FLT1: variants seen among roughly 807,000 people sequenced by gnomAD.
FLT1 encodes vascular endothelial growth factor receptor 1.
A neutral mutation model predicts 156.3 loss-of-function variants in FLT1; 49 were observed. The observed-to-expected ratio is 0.31, with a 90% CI of 0.25 to 0.40. FLT1 has a LOEUF of 0.40. FLT1 is among the 10% of genes least tolerant of loss of function. FLT1 has a pLI of 1.00. For synonymous variants in FLT1, 594 were observed against 583.8 expected (o/e 1.02, Z -0.25); for missense variants, 1,322 against 1,637.2 (o/e 0.81, Z 3.32).
chr13:28,398,035 A>C (rs901507436), intron 11 of FLT1, among the ~76,000 whole-genome samples: 1 of 152,206 alleles, frequency 6.6e-6, no homozygotes, highest in African/African-American at 2.4e-5. Context: ...GCATTCTTCC[A>C]AAGAAAAAAA....
intron 12 of FLT1, among the ~76,000 whole-genome samples, chr13:28,393,440 A>C (rs9508021): frequency 0.025 from 3,873 of 152,086 alleles, 156 homozygotes; most frequent in African/African-American, 0.086. Flanking sequence ...GTGAATGGTT[A>C]CCAGGAAGTT....
At chr13:28,413,791 G>T (rs1876473253) in intron 10 of FLT1, among the ~76,000 whole-genome samples, 1 of 152,192 alleles carries the variant, frequency 6.6e-6, no homozygotes, top group African/African-American at 2.4e-5. Context: ...CATCCAGAAA[G>T]CTTTTGGGAG....
At chr13:28,396,921 G>T in intron 12 of FLT1, 39 bp downstream of exon 12, 1 of 1,158,638 alleles carries the variant, frequency 8.6e-7, no homozygotes, top group Non-Finnish European at 1.3e-6. Context: ...AGAGAATGAA[G>T]TCACCAGGCT....
intron 16 of FLT1, 137 bp from the exon 17 acceptor site, chr13:28,339,437 C>A: frequency 3.8e-6 from 3 of 794,968 alleles, no homozygotes; most frequent in Non-Finnish European, 4.1e-6. Flanking sequence ...TACTTCTCCA[C>A]ATTCACATAC....
intron 24 of FLT1, among the ~76,000 whole-genome samples, chr13:28,318,672 T>C (rs1252429286): frequency 2.0e-5 from 3 of 151,738 alleles, no homozygotes; most frequent in Non-Finnish European, 4.4e-5. Flanking sequence ...TTTTCACACA[T>C]TACAGGAAAC....
chr13:28,357,440 C>T, intron 15 of FLT1, 114 bp downstream of exon 15: 10 of 1,085,826 alleles, frequency 9.2e-6, no homozygotes, highest in Non-Finnish European at 1.4e-5. Flanking sequence ...AGAAGGAGGT[C>T]AGGGAAAGGA....
At chr13:28,315,743 G>A (rs1871176574) in intron 25 of FLT1, among the ~76,000 whole-genome samples, 1 of 152,112 alleles carries the variant, frequency 6.6e-6, no homozygotes, top group African/African-American at 2.4e-5. Flanking sequence ...ATGAAGATTG[G>A]AAGGACATAT....
intron 6 of FLT1, among the ~76,000 whole-genome samples, chr13:28,431,991 G>A (rs1204499830): frequency 1.3e-5 from 2 of 152,170 alleles, no homozygotes; most frequent in African/African-American, 2.4e-5. Context: ...GACTTGGAAG[G>A]TGCTGTCCCA....
intron 25 of FLT1, among the ~76,000 whole-genome samples, chr13:28,313,022 AGGCTGGAG>A (rs1871067915): frequency 6.6e-6 from 1 of 151,860 alleles, no homozygotes; most frequent in Non-Finnish European, 1.5e-5. Flanking sequence ...TCTGTCATCC[AGGCTGGAG>A]TGCAGTGCCA....
At chr13:28,380,323 A>C (rs1248043717) in intron 14 of FLT1, among the ~76,000 whole-genome samples, 2 of 152,238 alleles carry the variant, frequency 1.3e-5, no homozygotes, top group African/African-American at 2.4e-5. Flanking sequence ...GAAGATACTC[A>C]TATATACAAA....
At chr13:28,443,922 T>C (rs1430321790) in intron 3 of FLT1, among the ~76,000 whole-genome samples, 2 of 152,056 alleles carry the variant, frequency 1.3e-5, no homozygotes, top group African/African-American at 2.4e-5. Flanking sequence ...TCAGACAAAA[T>C]AGACTTTTAA....
At chr13:28,315,358 C>A (rs987371210) in intron 25 of FLT1, among the ~76,000 whole-genome samples, 1 of 152,162 alleles carries the variant, frequency 6.6e-6, no homozygotes, top group Admixed American at 6.5e-5. Context: ...AGTTCGAGAC[C>A]AGCCTGGCCA....
At chr13:28,472,725 T>C (rs1570679) in intron 1 of FLT1, among the ~76,000 whole-genome samples, 22,780 of 152,180 alleles carry the variant, frequency 0.15, 2,499 homozygotes, top group African/African-American at 0.29. Context: ...CTGCCATTTG[T>C]GAGTTCTGTT....
intron 10 of FLT1, among the ~76,000 whole-genome samples, chr13:28,406,957 G>A (rs376428074): frequency 1.3e-5 from 2 of 152,114 alleles, no homozygotes; most frequent in South Asian, 2.1e-4. Context: ...TTCCTCCCTG[G>A]TCCTTGAGCT....
intron 6 of FLT1, among the ~76,000 whole-genome samples, chr13:28,432,599 A>T (rs1334034638): frequency 6.6e-6 from 1 of 152,172 alleles, no homozygotes; most frequent in Non-Finnish European, 1.5e-5. Flanking sequence ...GAAATCAAAA[A>T]TTCATTTCCT....
intron 1 of FLT1, among the ~76,000 whole-genome samples, chr13:28,494,132 C>G (rs899555331): frequency 1.3e-5 from 2 of 152,104 alleles, no homozygotes; most frequent in Non-Finnish European, 2.9e-5. Context: ...GGGCGCTCGC[C>G]GAGCGTTCCC....
In FLT1 at chr13:28,372,048, G is replaced by GTA. The variant is rs1169072431; in HGVS notation, c.2116+12835_2116+12836dup. On this transcript the variant is annotated intron_variant, in intron 14 of 29. Transcript: ENST00000282397. Reference sequence around the variant, plus strand: ...TGTGTGTGTGTGTGTGTGTGTGTGTGTATATATATATATATATATATATAT... The same window carrying GTA: ...TGTGTGTGTGTGTGTGTGTGTGTGTGTATATATATATATATATATATATATAT... Among the ~76,000 whole-genome samples the GTA allele has an allele frequency of 1.5e-3, 114 of 75,566 alleles. 7 individuals carry two copies. Among genetic ancestry groups the GTA allele is most frequent in the African/African-American group, 6.7e-3 (106 of 15,894 alleles). The allele number at this position is 75,566 out of a possible 152,430, so 49.6% of individuals were successfully genotyped here. A position where few individuals can be genotyped will look rare whatever the true frequency, so the allele number is the denominator to read the frequency against.
At chr13:28,324,790 G>A (rs542735556) in intron 20 of FLT1, among the ~76,000 whole-genome samples, 1 of 152,178 alleles carries the variant, frequency 6.6e-6, no homozygotes, top group African/African-American at 2.4e-5. Context: ...TCTTCCCCAC[G>A]GCACCCAAAA....
intron 15 of FLT1, among the ~76,000 whole-genome samples, chr13:28,347,881 C>T (rs193162146): frequency 6.6e-6 from 1 of 152,314 alleles, no homozygotes; most frequent in Admixed American, 6.5e-5. Context: ...CCCAAAGTCA[C>T]ACAGCCTGCA....
Sources: allele counts gnomAD v4.1 joint callset (sites outside exome capture counted in the v4.1 genomes callset), GRCh38; gene constraint gnomAD v4.1.1; transcripts MANE v1.5; gene names NCBI Gene and HGNC (gene_info 2026-07-23, HGNC 2026-07-21).